PPP2R2B: variants seen among roughly 807,000 people sequenced by gnomAD.
PPP2R2B encodes the protein serine/threonine-protein phosphatase 2A 55 kDa regulatory subunit B beta isoform.
PPP2R2B carries 5 observed loss-of-function variants against 46.0 expected under a neutral mutation model. The ratio of observed to expected loss-of-function variants is 0.11; its 90% CI spans 0.06 to 0.23. The LOEUF (loss-of-function observed/expected upper bound fraction) is 0.23. Ranked by LOEUF, PPP2R2B falls within the 10% of genes least tolerant of loss-of-function variation. The pLI is 1.00. For synonymous variants in PPP2R2B, 215 were observed against 206.7 expected (o/e 1.04, Z -0.34); for missense variants, 367 against 575.0 (o/e 0.64, Z 3.70).
intron 2 of PPP2R2B, among the ~76,000 whole-genome samples, chr5:146,779,629 T>C (rs1190814244): frequency 6.6e-6 from 1 of 152,188 alleles, no homozygotes; most frequent in Non-Finnish European, 1.5e-5. Flanking sequence ...ATTACAACTA[T>C]GTTCCTTGCT....
At chr5:146,942,262 A>T (rs1042764379) in intron 1 of PPP2R2B, among the ~76,000 whole-genome samples, 3 of 152,204 alleles carry the variant, frequency 2.0e-5, no homozygotes, top group Non-Finnish European at 4.4e-5. Flanking sequence ...AAACTAATAC[A>T]ATTAGTGAAA....
At chr5:147,020,942 A>G (rs550450745) in intron 1 of PPP2R2B, among the ~76,000 whole-genome samples, 3 of 152,178 alleles carry the variant, frequency 2.0e-5, no homozygotes, top group South Asian at 2.1e-4. Flanking sequence ...GATATTCTAT[A>G]TGCTATATTG....
chr5:146,707,462 C>T lies in PPP2R2B; in HGVS notation c.71-6320G>A, dbSNP rs559420796. 2.9e-5 allele frequency: 22 copies of T among 757,262 alleles called. 1 individual carries two copies. Among genetic ancestry groups the T allele is most frequent in the African/African-American group, 8.5e-5 (5 of 58,690 alleles). 46.9% of individuals were successfully genotyped at this position (757,262 alleles called of 1,614,324 possible). ...CCACTGGCCCCACCATAGGCCACCC[C>T]GGAAGCTGCTGCTGCCCACTCAGGA... On this transcript the variant is annotated intron_variant, in intron 2 of 9. Coordinates refer to ENST00000394411, the MANE Select transcript of PPP2R2B (RefSeq NM_181675.4).
intron 5 of PPP2R2B, among the ~76,000 whole-genome samples, chr5:146,652,084 T>C (rs1776003183): frequency 6.6e-6 from 1 of 152,048 alleles, no homozygotes; most frequent in African/African-American, 2.4e-5. Flanking sequence ...GGAAGGAAAG[T>C]CTTTGTGGTC....
At chr5:146,947,835 T>C (rs764094530) in intron 1 of PPP2R2B, among the ~76,000 whole-genome samples, 3 of 151,846 alleles carry the variant, frequency 2.0e-5, no homozygotes, top group Non-Finnish European at 4.4e-5. Context: ...TCCATGCTTT[T>C]GCTTATGCTA....
chr5:146,602,898 A>G (rs1771919551), intron 7 of PPP2R2B, among the ~76,000 whole-genome samples: 1 of 152,204 alleles, frequency 6.6e-6, no homozygotes, highest in Non-Finnish European at 1.5e-5. Context: ...GTTGAGAACT[A>G]GATAGGAAGA....
At chr5:146,866,600 A>G (rs1286559597) in intron 2 of PPP2R2B, among the ~76,000 whole-genome samples, 1 of 151,216 alleles carries the variant, frequency 6.6e-6, no homozygotes, top group Non-Finnish European at 1.5e-5. Context: ...AGATTAAATT[A>G]TATATATATA....
At chr5:147,037,606 A>C (rs1265608752) in intron 1 of PPP2R2B, among the ~76,000 whole-genome samples, 1 of 152,072 alleles carries the variant, frequency 6.6e-6, no homozygotes, top group Non-Finnish European at 1.5e-5. Context: ...GTGAGCAAGA[A>C]ACTTTTGTGT....
Position 146,690,642 on chromosome 5 carries a change from T to C in PPP2R2B, c.447+486A>G, listed in dbSNP as rs148209319. On this transcript the variant is annotated intron_variant, in intron 5 of 9. Coordinates refer to ENST00000394411, the MANE Select transcript of PPP2R2B (RefSeq NM_181675.4). ...GCAGTACGTACTGTGTTCACTGTTT[T>C]GCAGATGGAGAAATTAAAATTAACT... Among the ~76,000 whole-genome samples, 370 of 152,324 alleles carry C rather than the reference T, an allele frequency of 2.4e-3. 1 individual carries two copies. The highest frequency in any genetic ancestry group is 8.3e-3 in the African/African-American group (347 of 41,580).
intron 2 of PPP2R2B, among the ~76,000 whole-genome samples, chr5:146,863,142 C>A (rs996571613): frequency 1.3e-5 from 2 of 151,936 alleles, no homozygotes; most frequent in South Asian, 4.2e-4. Context: ...AAAAATACAT[C>A]TTGTTCACAA....
At chr5:146,950,934 C>T (rs563158762) in intron 1 of PPP2R2B, among the ~76,000 whole-genome samples, 1 of 152,062 alleles carries the variant, frequency 6.6e-6, no homozygotes, top group Admixed American at 6.6e-5. Flanking sequence ...GGATAAAACA[C>T]TAAAGGGTGT....
rs572850992 is a variant in PPP2R2B, at chr5:146,742,609, A to G, written c.71-41467T>C. On this transcript the variant is annotated intron_variant, in intron 2 of 9. Coordinates refer to ENST00000394411, the MANE Select transcript of PPP2R2B (RefSeq NM_181675.4). ...GATTTATAGTATAAAGGAAACTATGAAAAGCTAAGAAATAATGAAGATATA... is the reference window on the plus strand; with the variant it reads ...GATTTATAGTATAAAGGAAACTATGGAAAGCTAAGAAATAATGAAGATATA... Among the ~76,000 whole-genome samples, 13 of 152,316 alleles carry G rather than the reference A, an allele frequency of 8.5e-5. 1 individual carries two copies. In the South Asian group the frequency reaches 2.7e-3, roughly 32 times the overall value.
Position 146,629,604 on chromosome 5 carries a change from T to C in PPP2R2B, c.790+8647A>G, listed in dbSNP as rs113920751. 2.9e-3 allele frequency among the ~76,000 whole-genome samples: 444 copies of C among 152,274 alleles called. 1 individual carries two copies. The highest frequency in any genetic ancestry group is 0.01 in the African/African-American group (423 of 41,554). On this transcript the variant is annotated intron_variant, in intron 7 of 9. Coordinates refer to ENST00000394411, the MANE Select transcript of PPP2R2B (RefSeq NM_181675.4). Reference sequence around the variant, plus strand: ...TTCCTTCTTAGCACCATCTCATGGTTTCCCATCTCACTTAGAGTGAAATGC... The same window carrying C: ...TTCCTTCTTAGCACCATCTCATGGTCTCCCATCTCACTTAGAGTGAAATGC...
intron 1 of PPP2R2B, among the ~76,000 whole-genome samples, chr5:146,939,994 GTATC>G (rs1764270777): frequency 6.6e-6 from 1 of 152,094 alleles, no homozygotes; most frequent in South Asian, 2.1e-4. Flanking sequence ...TATTTACATA[GTATC>G]TATCTACCTA....
chr5:146,760,662 G>A (rs1159774206), intron 2 of PPP2R2B, among the ~76,000 whole-genome samples: 1 of 152,192 alleles, frequency 6.6e-6, no homozygotes, highest in Non-Finnish European at 1.5e-5. Context: ...GGAATTATTA[G>A]TATGGTCTGC....
intron 2 of PPP2R2B, among the ~76,000 whole-genome samples, chr5:146,712,686 C>G (rs537531210): frequency 3.9e-5 from 6 of 152,240 alleles, no homozygotes; most frequent in African/African-American, 1.4e-4. Flanking sequence ...ATCCGGATGG[C>G]TAGGCAGGTG....
At chr5:146,688,045 T>C (rs1400396467) in intron 5 of PPP2R2B, among the ~76,000 whole-genome samples, 1 of 152,176 alleles carries the variant, frequency 6.6e-6, no homozygotes, top group Non-Finnish European at 1.5e-5. Context: ...GTTCTGAATC[T>C]AGTCTTCAGG....
intron 2 of PPP2R2B, among the ~76,000 whole-genome samples, chr5:146,848,169 T>C (rs1760121907): frequency 6.6e-6 from 1 of 152,200 alleles, no homozygotes; most frequent in Non-Finnish European, 1.5e-5. Context: ...AGATTTTATT[T>C]TTAAAAATAG....
At chr5:147,009,902 T>C (rs563747843) in intron 1 of PPP2R2B, among the ~76,000 whole-genome samples, 2 of 144,524 alleles carry the variant, frequency 1.4e-5, no homozygotes, top group African/African-American at 2.7e-5. Context: ...CACACACATA[T>C]ATATATAGGA....
Sources: gnomAD v4.1 joint callset for allele counts (sites outside exome capture counted in the v4.1 genomes callset) on GRCh38, gnomAD v4.1.1 for gene constraint, MANE v1.5 for transcripts, NCBI Gene and HGNC (gene_info 2026-07-23, HGNC 2026-07-21) for gene names.